The following UGGT2 variants were observed in gnomAD, a reference collection of about 807,000 sequenced individuals.
The protein encoded by UGGT2 is UDP-glucose glycoprotein glucosyltransferase 2.
UGGT2 carries 180 observed loss-of-function variants against 192.1 expected under a neutral mutation model. The observed-to-expected ratio is 0.94, with a 90% CI of 0.83 to 1.06. UGGT2 has a LOEUF of 1.06. Ranked by LOEUF, UGGT2 falls within the 50% of genes least tolerant of loss-of-function variation. UGGT2 has a pLI of 0.00. For synonymous variants in UGGT2, 580 were observed against 591.0 expected (o/e 0.98, Z 0.27); for missense variants, 1,849 against 1,795.7 (o/e 1.03, Z -0.54).
intron 4 of UGGT2, among the ~76,000 whole-genome samples, chr13:96,019,871 T>C (rs78911583): frequency 1.3e-5 from 2 of 152,328 alleles, no homozygotes; most frequent in East Asian, 3.9e-4. Flanking sequence ...ACAAGGCTTA[T>C]GCCTGGTGAA....
chr13:95,983,329 G>A (rs1174108297), intron 10 of UGGT2, among the ~76,000 whole-genome samples: 2 of 152,160 alleles, frequency 1.3e-5, no homozygotes, highest in African/African-American at 4.8e-5. Context: ...AGGCAGTGGT[G>A]TAAGCACTTT....
chr13:95,855,026 ATG>A (rs1889443245), intron 34 of UGGT2, among the ~76,000 whole-genome samples: 1 of 140,730 alleles, frequency 7.1e-6, no homozygotes, highest in African/African-American at 2.6e-5. Flanking sequence ...ATTAGATATT[ATG>A]TGTGGGGCTC....
At chr13:95,972,028 A>T (rs1018498223) in intron 11 of UGGT2, among the ~76,000 whole-genome samples, 5 of 152,056 alleles carry the variant, frequency 3.3e-5, no homozygotes, top group Admixed American at 6.6e-5. Flanking sequence ...TATAAAAGTA[A>T]CTCTTCTGTT....
chr13:95,900,711 T>C, intron 22 of UGGT2, 96 bp downstream of exon 22: 2 of 1,333,582 alleles, frequency 1.5e-6, no homozygotes, highest in East Asian at 2.5e-5. Flanking sequence ...GTCCTCTGTG[T>C]GTGTCAGTCA....
chr13:96,008,736 C>T (rs997276417), intron 5 of UGGT2, among the ~76,000 whole-genome samples: 1 of 152,098 alleles, frequency 6.6e-6, no homozygotes, highest in South Asian at 2.1e-4. Flanking sequence ...AGAGATGACA[C>T]AAACAAATGG....
chr13:95,908,885 C>T (rs2048380777), intron 20 of UGGT2, among the ~76,000 whole-genome samples: 1 of 127,050 alleles, frequency 7.9e-6, no homozygotes, highest in African/African-American at 2.9e-5. Flanking sequence ...AATTTTCTCC[C>T]ATTTTGTAGG....
intron 7 of UGGT2, among the ~76,000 whole-genome samples, chr13:95,995,021 A>G (rs2051574606): frequency 6.6e-6 from 1 of 152,092 alleles, no homozygotes; most frequent in Non-Finnish European, 1.5e-5. Flanking sequence ...CCAGAGTTTC[A>G]GAAATAAAAT....
intron 5 of UGGT2, among the ~76,000 whole-genome samples, chr13:96,001,649 C>T (rs1295763055): frequency 6.6e-6 from 1 of 152,200 alleles, no homozygotes; most frequent in Non-Finnish European, 1.5e-5. Context: ...AAAAGACAAA[C>T]ACAGACAATT....
intron 1 of UGGT2, among the ~76,000 whole-genome samples, chr13:96,048,102 C>A (rs1438336716): frequency 6.6e-6 from 1 of 152,174 alleles, no homozygotes; most frequent in Admixed American, 6.5e-5. Context: ...GACTCCTCAG[C>A]AAATGTAAAA....
intron 38 of UGGT2, among the ~76,000 whole-genome samples, chr13:95,820,384 A>T (rs1271446458): frequency 6.6e-6 from 1 of 152,184 alleles, no homozygotes; most frequent in Non-Finnish European, 1.5e-5. Flanking sequence ...AAACTGTTCC[A>T]GAGCACAAAA....
intron 9 of UGGT2, among the ~76,000 whole-genome samples, chr13:95,984,610 G>T (rs11619084): frequency 0.17 from 26,426 of 151,956 alleles, 2,531 homozygotes; most frequent in East Asian, 0.26. Context: ...AATTATAGGT[G>T]CGAGCCATTG....
chr13:95,963,165 AGT>A (rs1341772849), intron 12 of UGGT2, among the ~76,000 whole-genome samples: 1 of 152,166 alleles, frequency 6.6e-6, no homozygotes, highest in African/African-American at 2.4e-5. Flanking sequence ...ACAAAATACT[AGT>A]AAGCCAAATC....
At chr13:95,926,209 C>T (rs2049010594) in intron 19 of UGGT2, among the ~76,000 whole-genome samples, 1 of 152,090 alleles carries the variant, frequency 6.6e-6, no homozygotes, top group Non-Finnish European at 1.5e-5. Context: ...CCTTTATGAA[C>T]ATAAAATCAT....
intron 1 of UGGT2, among the ~76,000 whole-genome samples, chr13:96,047,341 A>G (rs1218615089): frequency 1.3e-5 from 2 of 152,224 alleles, no homozygotes; most frequent in African/African-American, 2.4e-5. Context: ...CCTCTGCTGT[A>G]GATACCCAGG....
intron 11 of UGGT2, among the ~76,000 whole-genome samples, chr13:95,971,646 A>G (rs1265891954): frequency 1.3e-5 from 2 of 152,206 alleles, no homozygotes; most frequent in African/African-American, 4.8e-5. Context: ...TGCTGGGCAC[A>G]TATATAATTT....
chr13:95,887,831 GT>G (rs1218994006), intron 26 of UGGT2, 60 bp downstream of exon 26: 7 of 1,052,418 alleles, frequency 6.7e-6, no homozygotes, highest in African/African-American at 6.4e-5. Context: ...AACAATGATT[GT>G]TTTTTTCTTC....
intron 15 of UGGT2, among the ~76,000 whole-genome samples, chr13:95,945,784 G>T (rs2049845364): frequency 6.6e-6 from 1 of 152,064 alleles, no homozygotes; most frequent in African/African-American, 2.4e-5. Context: ...ACATAATATT[G>T]ATGCATATTC....
chr13:96,005,640 C>T (rs1252466354), intron 5 of UGGT2, among the ~76,000 whole-genome samples: 1 of 152,128 alleles, frequency 6.6e-6, no homozygotes, highest in Non-Finnish European at 1.5e-5. Flanking sequence ...GGAATACCTG[C>T]CAGGCCCAAC....
intron 38 of UGGT2, among the ~76,000 whole-genome samples, chr13:95,805,167 T>A (rs549426709): frequency 6.6e-6 from 1 of 151,852 alleles, no homozygotes; most frequent in South Asian, 2.1e-4. Context: ...ATACAAATAG[T>A]CAGCAAACAT....
Sources: allele counts gnomAD v4.1 joint callset (sites outside exome capture counted in the v4.1 genomes callset), GRCh38; gene constraint gnomAD v4.1.1; transcripts MANE v1.5; gene names NCBI Gene and HGNC (gene_info 2026-07-23, HGNC 2026-07-21).